Variants in CNTLN observed in about 807,000 individuals in gnomAD.
CNTLN encodes the protein centlein, centrosomal protein.
Under a neutral mutation model 180.0 loss-of-function variants are expected in CNTLN, and 212 were observed. The ratio of observed to expected loss-of-function variants is 1.18; its 90% CI spans 1.05 to 1.32. The LOEUF (loss-of-function observed/expected upper bound fraction) is 1.32, where lower values mean the gene tolerates loss of function less well. Ranked by LOEUF, CNTLN falls within the 40% of genes most tolerant of loss-of-function variation. The pLI, the probability that CNTLN is intolerant of heterozygous loss-of-function variation, is 0.00. For missense variants in CNTLN, 2,095 were observed against 1,610.9 expected, an observed-to-expected ratio of 1.30 and a Z score of -5.14; for synonymous variants, 722 against 563.1, an observed-to-expected ratio of 1.28 and a Z score of -3.99.
intron 25 of CNTLN, among the ~76,000 whole-genome samples, chr9:17,494,478 C>T (rs975669351): frequency 1.3e-5 from 2 of 152,064 alleles, no homozygotes; most frequent in African/African-American, 4.8e-5. Context: ...AGGTACTAAG[C>T]CTAGTAGCCA....
chr9:17,294,931 C>T (rs369391007), intron 6 of CNTLN, among the ~76,000 whole-genome samples: 2 of 31,336 alleles, frequency 6.4e-5, no homozygotes, highest in Non-Finnish European at 1.2e-4. Flanking sequence ...GGGGGGAGGG[C>T]GGGGGAGGCT....
intron 15 of CNTLN, among the ~76,000 whole-genome samples, chr9:17,399,402 A>T (rs1032183881): frequency 3.3e-5 from 5 of 152,166 alleles, no homozygotes; most frequent in Non-Finnish European, 5.9e-5. Flanking sequence ...TCTCAAACAC[A>T]ACATAAACTT....
At chr9:17,293,227 G>C (rs1278702646) in intron 6 of CNTLN, among the ~76,000 whole-genome samples, 1 of 152,248 alleles carries the variant, frequency 6.6e-6, no homozygotes, top group African/African-American at 2.4e-5. Flanking sequence ...GGCAACCCCT[G>C]TTGGGGTCTC....
At chr9:17,235,118 G>A (rs552079093) in intron 3 of CNTLN, among the ~76,000 whole-genome samples, 8 of 152,214 alleles carry the variant, frequency 5.3e-5, no homozygotes, top group Non-Finnish European at 1.2e-4. Context: ...TGTAATTTAG[G>A]TATCTCACAG....
At chr9:17,312,353 A>ATATATATAT in intron 8 of CNTLN, among the ~76,000 whole-genome samples, 1 of 15,406 alleles carries the variant, frequency 6.5e-5, no homozygotes, top group African/African-American at 1.4e-4. Context: ...TTATATATAT[A>ATATATATAT]TATATATATA....
chr9:17,304,176 A>G (rs1038833596), intron 7 of CNTLN, among the ~76,000 whole-genome samples: 1 of 152,184 alleles, frequency 6.6e-6, no homozygotes, highest in African/African-American at 2.4e-5. Flanking sequence ...TTGAGCACAG[A>G]GGTGAGTCAT....
At chr9:17,136,914 A>G (rs1170866863) in intron 1 of CNTLN, among the ~76,000 whole-genome samples, 1 of 151,928 alleles carries the variant, frequency 6.6e-6, no homozygotes, top group African/African-American at 2.4e-5. Flanking sequence ...TCTGAGTCCT[A>G]ATCTAAGACA....
chr9:17,343,863 A>G (rs893697051), intron 12 of CNTLN, among the ~76,000 whole-genome samples: 21 of 152,116 alleles, frequency 1.4e-4, no homozygotes, highest in Admixed American at 7.9e-4. Flanking sequence ...GCCCAGCCCT[A>G]GGAAACTACT....
chr9:17,317,480 G>T (rs959556513), intron 8 of CNTLN, among the ~76,000 whole-genome samples: 2 of 152,010 alleles, frequency 1.3e-5, no homozygotes, highest in African/African-American at 4.8e-5. Context: ...TGCTATTCTT[G>T]GTGATGAAGA....
intron 3 of CNTLN, among the ~76,000 whole-genome samples, chr9:17,229,473 T>C (rs561754295): frequency 2.0e-5 from 3 of 152,192 alleles, no homozygotes; most frequent in African/African-American, 7.2e-5. Flanking sequence ...AGTCGTGGGC[T>C]GGCAAGTAAC....
At chr9:17,435,559 C>CTTTTTTTTTTTTTTTTTTTTT (rs35562399) in intron 18 of CNTLN, among the ~76,000 whole-genome samples, 1 of 144,142 alleles carries the variant, frequency 6.9e-6, no homozygotes, top group Non-Finnish European at 1.5e-5. Context: ...AAGAGTGGCT[C>CTTTTTTTTTTTTTTTTTTTTT]TTTTTTTTTT....
At chr9:17,528,256 T>A in the CNTLN span, among the ~76,000 whole-genome samples, 3 of 152,180 alleles carry the variant, frequency 2.0e-5, no homozygotes, top group Non-Finnish European at 4.4e-5. Context: ...TGACAAACAC[T>A]ACCTCAGCCA....
At chr9:17,265,891 TTA>T (rs1460610510) in intron 5 of CNTLN, among the ~76,000 whole-genome samples, 5 of 152,228 alleles carry the variant, frequency 3.3e-5, no homozygotes, top group African/African-American at 1.2e-4. Context: ...GATATCCCCT[TTA>T]TCATTTTTTA....
chr9:17,193,780 C>T (rs1821942889), intron 2 of CNTLN, among the ~76,000 whole-genome samples: 1 of 152,220 alleles, frequency 6.6e-6, no homozygotes, highest in African/African-American at 2.4e-5. Flanking sequence ...TGTATGGGGG[C>T]TCCGATTCCA....
chr9:17,191,823 A>C (rs1381954206), intron 2 of CNTLN, among the ~76,000 whole-genome samples: 3 of 152,226 alleles, frequency 2.0e-5, no homozygotes, highest in Non-Finnish European at 2.9e-5. Flanking sequence ...GAATAAACAG[A>C]AAAGAAAAAC....
At chr9:17,137,592 T>C (rs561075910) in intron 1 of CNTLN, among the ~76,000 whole-genome samples, 19 of 152,368 alleles carry the variant, frequency 1.2e-4, no homozygotes, top group African/African-American at 4.6e-4. Context: ...TTTTCAGTTC[T>C]ATTCCTTTAA....
At chr9:17,178,775 C>T (rs1158385250) in intron 2 of CNTLN, among the ~76,000 whole-genome samples, 1 of 152,112 alleles carries the variant, frequency 6.6e-6, no homozygotes, top group Non-Finnish European at 1.5e-5. Context: ...CCCTCCACAC[C>T]TGCCTTCAAG....
intron 13 of CNTLN, among the ~76,000 whole-genome samples, chr9:17,380,799 A>G (rs1418326739): frequency 6.6e-6 from 1 of 152,216 alleles, no homozygotes; most frequent in Non-Finnish European, 1.5e-5. Flanking sequence ...AATAGCAAGC[A>G]TTTATTTATT....
At chr9:17,472,997 A>G (rs1832114536) in intron 23 of CNTLN, among the ~76,000 whole-genome samples, 1 of 152,106 alleles carries the variant, frequency 6.6e-6, no homozygotes, top group East Asian at 1.9e-4. Flanking sequence ...ACTTTCTTGC[A>G]TATATCCTCA....
Sources: allele counts gnomAD v4.1 joint callset (sites outside exome capture counted in the v4.1 genomes callset), GRCh38; gene constraint gnomAD v4.1.1; transcripts MANE v1.5; gene names NCBI Gene and HGNC (gene_info 2026-07-23, HGNC 2026-07-21).